SCAI: variants seen among roughly 807,000 people sequenced by gnomAD.
The protein encoded by SCAI is suppressor of cancer cell invasion.
SCAI carries 24 observed loss-of-function variants against 92.2 expected under a neutral mutation model. The observed-to-expected ratio is 0.26, with a 90% confidence interval of 0.19 to 0.37. The LOEUF (loss-of-function observed/expected upper bound fraction) is 0.37, where lower values mean the gene tolerates loss of function less well. Among genes scored for constraint, SCAI ranks in the 10% least tolerant of loss-of-function variants. The probability of loss-of-function intolerance (pLI) is 1.00; values close to 1 mark genes in which losing one functional copy is unlikely to be tolerated. For synonymous variants in SCAI, 261 were observed against 258.6 expected, an observed-to-expected ratio of 1.01 and a Z score of -0.09; for missense variants, 450 against 736.2, an observed-to-expected ratio of 0.61 and a Z score of 4.50.
At position 124,951,727 on chromosome 9, in the gene SCAI, G is replaced by A. The variant is rs565340368; in HGVS notation, c.*1080C>T. ...CTGTGAAATTATAAAGGGAATGACA[G>A]GGAAGGAAAACACAAAAAAGAAAAA... is the stretch of plus-strand genomic sequence containing the variant. On this transcript the variant is annotated 3_prime_UTR_variant, in exon 18 of 18. Coordinates refer to ENST00000336505, the MANE Select transcript of SCAI (RefSeq NM_001144877.3). 1.3e-5 allele frequency: 2 copies of A among 152,150 alleles called. No homozygotes were observed. The highest frequency in any genetic ancestry group is 2.1e-4 in the South Asian group (1 of 4,828). The allele number at this position is 152,150 out of a possible 1,614,324, so 9.4% of individuals were successfully genotyped here. A position where few individuals can be genotyped will look rare whatever the true frequency, so the allele number is the denominator to read the frequency against.
intron 14 of SCAI, among the ~76,000 whole-genome samples, chr9:124,977,099 G>A (rs553358259): frequency 6.6e-6 from 1 of 152,112 alleles, no homozygotes; most frequent in Admixed American, 6.6e-5. Flanking sequence ...AAATTCATGA[G>A]CTCAAGCGAT....
At chr9:125,115,199 C>T (rs1033676541) in intron 2 of SCAI, among the ~76,000 whole-genome samples, 2 of 151,626 alleles carry the variant, frequency 1.3e-5, no homozygotes, top group South Asian at 2.1e-4. Flanking sequence ...GATGAAACCC[C>T]GTCTCTACTA....
At chr9:125,086,477 T>C (rs1415730102) in intron 2 of SCAI, among the ~76,000 whole-genome samples, 5 of 152,256 alleles carry the variant, frequency 3.3e-5, no homozygotes, top group Admixed American at 3.3e-4. Context: ...ATAGCTGGCA[T>C]TACAAAGATG....
chr9:124,996,110 A>G (rs1350466864), intron 13 of SCAI, among the ~76,000 whole-genome samples: 1 of 151,134 alleles, frequency 6.6e-6, no homozygotes, highest in Non-Finnish European at 1.5e-5. Context: ...AAGGTATACA[A>G]TGTGATGACT....
chr9:125,039,659 C>T (rs1303815275), intron 3 of SCAI, among the ~76,000 whole-genome samples: 3 of 152,230 alleles, frequency 2.0e-5, no homozygotes, highest in African/African-American at 7.2e-5. Context: ...GCAACTCAGA[C>T]AGCTAGTGGT....
At chr9:124,975,257 C>T (rs1260988785) in intron 15 of SCAI, 8 of 448,116 alleles carry the variant, frequency 1.8e-5, no homozygotes, top group South Asian at 6.3e-5. Flanking sequence ...CTTAAAACAA[C>T]GGTGAAAGCC....
chr9:125,138,179 T>C (rs1288284513), intron 2 of SCAI, among the ~76,000 whole-genome samples: 3 of 152,158 alleles, frequency 2.0e-5, no homozygotes, highest in Admixed American at 2.0e-4. Context: ...CTAAAATTTA[T>C]TGTGTACCTT....
In SCAI at chr9:125,055,919, A is replaced by G. The variant is rs1407578223; in HGVS notation, c.187T>C (p.Cys63Arg). 1 of 1,613,144 alleles carries G rather than the reference A, an allele frequency of 6.2e-7. No homozygotes were observed. The highest frequency in any genetic ancestry group is 1.1e-5 in the South Asian group (1 of 91,002). Residue 63 changes from cysteine to arginine, a missense_variant, in exon 3 of 18, where the codon TGT (cysteine) becomes CGT (arginine). Cys to Arg is a radical substitution (Grantham distance 180). Transcript: ENST00000336505. ...TGCTTAGATTTATCCAGAAGATAAC[A>G]AAAATCTGTAACTGTTTTCCTCTCT... Reference protein sequence around the residue: ...QGERKTVTDFCYLLDKSKQLF... With the variant: ...QGERKTVTDFRYLLDKSKQLF...
chr9:125,078,598 C>T (rs1414926980), intron 2 of SCAI, among the ~76,000 whole-genome samples: 1 of 152,112 alleles, frequency 6.6e-6, no homozygotes, highest in African/African-American at 2.4e-5. Flanking sequence ...CCCCCACCAC[C>T]CCTATACTGC....
In SCAI at chr9:125,026,827, A is replaced by G. The variant is rs200434203; in HGVS notation, c.497T>C (p.Val166Ala). The part of the protein sequence containing the change: ...AIRQRSYYSQ[V>A]NKEDRPELVV... ...AGATACATACCTGTCCTCTTTATTG[A>G]CTTGAGAATAATATGATCTCTGTCT... is the stretch of plus-strand genomic sequence containing the variant. The change falls in exon 6 of 18, where the codon GTC (valine) becomes GCC (alanine). Residue 166 changes from valine (V) to alanine (A), a missense_variant. Val to Ala is a moderately conservative substitution (Grantham distance 64, BLOSUM62 0). Around this residue, in one of 3 missense-constraint regions of SCAI, gnomAD observed 360 missense variants for 601.8 expected, o/e 0.60. Transcript: ENST00000336505. 47 of 1,563,242 alleles carry G rather than the reference A, an allele frequency of 3.0e-5. 1 individual carries two copies. The highest frequency in any genetic ancestry group is 8.8e-7 in the Non-Finnish European group (1 of 1,137,172).
intron 3 of SCAI, among the ~76,000 whole-genome samples, chr9:125,036,536 T>C (rs1440077020): frequency 6.6e-6 from 1 of 152,202 alleles, no homozygotes; most frequent in Non-Finnish European, 1.5e-5. Flanking sequence ...AGAGGGATGT[T>C]TTAGCCAATA....
intron 2 of SCAI, among the ~76,000 whole-genome samples, chr9:125,065,624 G>T (rs1266859458): frequency 6.6e-6 from 1 of 152,118 alleles, no homozygotes; most frequent in Non-Finnish European, 1.5e-5. Flanking sequence ...CCCTAACAGG[G>T]ATATTATAAG....
intron 2 of SCAI, among the ~76,000 whole-genome samples, chr9:125,072,213 G>A (rs556607272): frequency 3.0e-4 from 46 of 152,102 alleles, no homozygotes; most frequent in African/African-American, 9.6e-4. Flanking sequence ...TAGTAGAGAC[G>A]GGGTTTCACC....
chr9:125,007,876 C>T (rs1001203544), intron 9 of SCAI, among the ~76,000 whole-genome samples: 1 of 151,446 alleles, frequency 6.6e-6, no homozygotes, highest in African/African-American at 2.4e-5. Context: ...GACGGAGTCT[C>T]GCTCTGTCGC....
At chr9:125,102,352 G>A (rs753577977) in intron 2 of SCAI, among the ~76,000 whole-genome samples, 4 of 151,978 alleles carry the variant, frequency 2.6e-5, no homozygotes, top group South Asian at 2.1e-4. Flanking sequence ...TACTTAAATC[G>A]GTAAGAGGCC....
At chr9:124,982,915 G>A (rs1831915729) in intron 14 of SCAI, among the ~76,000 whole-genome samples, 1 of 152,244 alleles carries the variant, frequency 6.6e-6, no homozygotes, top group Middle Eastern at 3.4e-3. Context: ...CACTTTGGAA[G>A]ACCAAGGTGG....
chr9:125,142,558 CA>C (rs1209485003), intron 2 of SCAI, 74 bp downstream of exon 2: 2 of 1,046,452 alleles, frequency 1.9e-6, no homozygotes, highest in East Asian at 4.7e-5. Flanking sequence ...TGACAGTATA[CA>C]ATTATGCAGT....
intron 2 of SCAI, among the ~76,000 whole-genome samples, chr9:125,124,729 G>A (rs568258344): frequency 3.5e-4 from 54 of 152,308 alleles, no homozygotes; most frequent in African/African-American, 1.3e-3. Context: ...TGGGCACTCA[G>A]TGGCCCAGTC....
chr9:124,977,403 G>A (rs1314422842), intron 14 of SCAI, among the ~76,000 whole-genome samples: 1 of 152,060 alleles, frequency 6.6e-6, no homozygotes, highest in Admixed American at 6.6e-5. Flanking sequence ...AGTGAGGCCC[G>A]GCACAGTGGC....
Sources: allele counts gnomAD v4.1 joint callset (sites outside exome capture counted in the v4.1 genomes callset), GRCh38; gene constraint gnomAD v4.1.1; regional missense constraint gnomAD v4.1.1; transcripts MANE v1.5; gene names NCBI Gene and HGNC (gene_info 2026-07-23, HGNC 2026-07-21).